Variants in AKR1D1 observed in about 807,000 individuals in gnomAD.
The protein encoded by AKR1D1 is aldo-keto reductase family 1 member D1, also known as delta(4)-3-ketosteroid 5-beta-reductase.
Under a neutral mutation model 42.6 loss-of-function variants are expected in AKR1D1, and 32 were observed. The ratio of observed to expected loss-of-function variants is 0.75; its 90% CI spans 0.57 to 1.01. The LOEUF is 1.01. Among genes scored for constraint, AKR1D1 ranks in the 50% least tolerant of loss-of-function variants. AKR1D1 has a pLI of 0.00. For synonymous variants in AKR1D1, 123 were observed against 135.5 expected, an observed-to-expected ratio of 0.91 and a Z score of 0.64; for missense variants, 364 against 402.2, an observed-to-expected ratio of 0.91 and a Z score of 0.81.
chr7:138,080,183 C>A (rs1262073569), intron 1 of AKR1D1, among the ~76,000 whole-genome samples: 1 of 152,184 alleles, frequency 6.6e-6, no homozygotes, highest in Non-Finnish European at 1.5e-5. Flanking sequence ...AGTATACAGC[C>A]ATACCTATGA....
At chr7:138,105,518 TCATGA>T in intron 5 of AKR1D1, 89 bp downstream of exon 5, 3 of 1,548,996 alleles carry the variant, frequency 1.9e-6, no homozygotes. Flanking sequence ...TCAGGAAGGC[TCATGA>T]TTGCTCCACC....
chr7:138,095,269 G>A (rs1794162405), intron 3 of AKR1D1, among the ~76,000 whole-genome samples: 1 of 152,162 alleles, frequency 6.6e-6, no homozygotes, highest in South Asian at 2.1e-4. Context: ...TAAGAAATAT[G>A]GAGCAGAAAT....
chr7:138,116,474 C>A, intron 8 of AKR1D1, 146 bp from the exon 9 acceptor site: 1 of 940,152 alleles, frequency 1.1e-6, no homozygotes, highest in Non-Finnish European at 1.7e-6. Context: ...TGAGGGAAAA[C>A]AGAAGAGGAA....
intron 7 of AKR1D1, among the ~76,000 whole-genome samples, chr7:138,113,260 G>A (rs1794568955): frequency 6.6e-6 from 1 of 151,284 alleles, no homozygotes; most frequent in Admixed American, 6.6e-5. Context: ...AGGTTGCAGT[G>A]AGCCAAGATG....
At chr7:138,077,456 C>G (rs73155728) in intron 1 of AKR1D1, among the ~76,000 whole-genome samples, 20,302 of 152,202 alleles carry the variant, frequency 0.13, 1,461 homozygotes, top group East Asian at 0.2. Flanking sequence ...ACCTCTCCCT[C>G]GGTCCCTCCC....
intron 2 of AKR1D1, among the ~76,000 whole-genome samples, chr7:138,090,829 A>G (rs1794060634): frequency 6.6e-6 from 1 of 152,156 alleles, no homozygotes; most frequent in Admixed American, 6.5e-5. Flanking sequence ...TTGATCCTTC[A>G]TTATGTAATG....
In AKR1D1 at chr7:138,107,637, T is replaced by C. The variant is rs187108361; in HGVS notation, c.855+57T>C. The C allele has an allele frequency of 8.6e-5, 136 of 1,582,948 alleles. No individual in the cohort carries two copies. In the Middle Eastern group the frequency reaches 1.6e-3, roughly 18 times the overall value. On this transcript the variant is annotated intron_variant, in intron 7 of 8. Coordinates refer to ENST00000242375, the MANE Select transcript of AKR1D1 (RefSeq NM_005989.4). Reference sequence around the variant, plus strand: ...ATGGGTATGTTTGCTATTTTTGCTTTTATAGAATGTGTTCAGCTTAATAGG... The same window carrying C: ...ATGGGTATGTTTGCTATTTTTGCTTCTATAGAATGTGTTCAGCTTAATAGG...
intron 1 of AKR1D1, 70 bp from the exon 2 acceptor site, chr7:138,088,531 T>C: frequency 6.5e-7 from 1 of 1,527,586 alleles, no homozygotes; most frequent in South Asian, 1.1e-5. Context: ...ATGCAAAATG[T>C]CCTGATTAAT....
At position 138,116,866 on chromosome 7, in the gene AKR1D1, C is replaced by T; in HGVS notation, c.*204C>T. 1.8e-6 allele frequency: 1 copy of T among 540,606 alleles called. No individual in the cohort carries two copies. Among genetic ancestry groups the T allele is most frequent in the Admixed American group, 3.3e-5 (1 of 29,872 alleles). The allele number at this position is 540,606 out of a possible 1,614,324, so 33.5% of individuals were successfully genotyped here. A position where few individuals can be genotyped will look rare whatever the true frequency, so the allele number is the denominator to read the frequency against. On this transcript the variant is annotated 3_prime_UTR_variant, in exon 9 of 9. Transcript: ENST00000242375. ...AAAATATTAAAATCTGTTGAAATAA[C>T]TCTTAGGAAATTATCAACTAATTTT...
At chr7:138,094,455 C>T (rs1471064956) in intron 3 of AKR1D1, among the ~76,000 whole-genome samples, 2 of 151,864 alleles carry the variant, frequency 1.3e-5, no homozygotes, top group Non-Finnish European at 2.9e-5. Flanking sequence ...GTGGAGGGTG[C>T]AGTGAGCCAA....
Position 138,116,788 on chromosome 7 carries a change from C to T in AKR1D1, c.*126C>T. 1 of 860,256 alleles carries T rather than the reference C, an allele frequency of 1.2e-6. No individual in the cohort carries two copies. Among genetic ancestry groups the T allele is most frequent in the Non-Finnish European group, 1.9e-6 (1 of 534,658 alleles). 53.3% of individuals were successfully genotyped at this position (860,256 alleles called of 1,614,324 possible). A position where few individuals can be genotyped will look rare whatever the true frequency, so the allele number is the denominator to read the frequency against. ...TCCTGAGAAGAAATAATGATGGAAA[C>T]ATGTTTAATGTTTGTGCAGTGTAAA... On this transcript the variant is annotated 3_prime_UTR_variant, in exon 9 of 9. Transcript: ENST00000242375.
intron 4 of AKR1D1, among the ~76,000 whole-genome samples, chr7:138,101,292 C>G (rs13223644): frequency 6.6e-6 from 1 of 151,058 alleles, no homozygotes; most frequent in East Asian, 2.0e-4. Flanking sequence ...CTCCGCCTCT[C>G]GGGTTCAATC....
At chr7:138,090,750 T>C (rs1794054467) in intron 2 of AKR1D1, among the ~76,000 whole-genome samples, 1 of 152,138 alleles carries the variant, frequency 6.6e-6, no homozygotes, top group Admixed American at 6.5e-5. Flanking sequence ...CCTGTGGGTA[T>C]AAGCAACCTT....
At chr7:138,105,107 A>C (rs1794393814) in intron 4 of AKR1D1, among the ~76,000 whole-genome samples, 200 bp from the exon 5 acceptor site, 1 of 152,152 alleles carries the variant, frequency 6.6e-6, no homozygotes, top group African/African-American at 2.4e-5. Context: ...CAAGGGGAAG[A>C]TATGGCATAC....
At chr7:138,092,867 G>A (rs904167568) in intron 3 of AKR1D1, among the ~76,000 whole-genome samples, 1 of 152,164 alleles carries the variant, frequency 6.6e-6, no homozygotes, top group Non-Finnish European at 1.5e-5. Flanking sequence ...GTGAGTGAAT[G>A]TGAAGGCCTA....
In AKR1D1 at chr7:138,105,810, G is replaced by A. The variant is rs144480434; in HGVS notation, c.579+381G>A. Among the ~76,000 whole-genome samples, 1,407 of 152,126 alleles carry A rather than the reference G, an allele frequency of 9.2e-3. 25 individuals carry two copies. Among genetic ancestry groups the A allele is most frequent in the African/African-American group, 0.032 (1,319 of 41,484 alleles). On this transcript the variant is annotated intron_variant, in intron 5 of 8. Transcript: ENST00000242375. Reference sequence around the variant, plus strand: ...TGAGGCAGGGGAATTGCTTAAACCCGGGAGGTGGAGGTTGCAGTGAGCCGA... The same window carrying A: ...TGAGGCAGGGGAATTGCTTAAACCCAGGAGGTGGAGGTTGCAGTGAGCCGA...
chr7:138,088,354 C>A (rs1793979795), intron 1 of AKR1D1, among the ~76,000 whole-genome samples: 1 of 152,154 alleles, frequency 6.6e-6, no homozygotes, highest in Non-Finnish European at 1.5e-5. Context: ...TTGATCAAAT[C>A]ACATTTTTGA....
At chr7:138,086,643 A>C (rs371481373) in intron 1 of AKR1D1, among the ~76,000 whole-genome samples, 1 of 152,240 alleles carries the variant, frequency 6.6e-6, no homozygotes, top group Non-Finnish European at 1.5e-5. Context: ...CACTAGAAAT[A>C]CATTTCAGAT....
At chr7:138,098,515 C>G (rs1170315309) in intron 4 of AKR1D1, among the ~76,000 whole-genome samples, 2 of 152,072 alleles carry the variant, frequency 1.3e-5, no homozygotes, top group Non-Finnish European at 2.9e-5. Flanking sequence ...GAGGCTGAGG[C>G]AGGAGAATTG....
Sources: gnomAD v4.1 joint callset for allele counts (sites outside exome capture counted in the v4.1 genomes callset) on GRCh38, gnomAD v4.1.1 for gene constraint, MANE v1.5 for transcripts, NCBI Gene and HGNC (gene_info 2026-07-23, HGNC 2026-07-21) for gene names.